Variants in ZBTB24 observed in about 807,000 individuals in gnomAD.
The protein encoded by ZBTB24 is zinc finger and BTB domain containing 24, also known as zinc finger and BTB domain-containing protein 24.
In ZBTB24, 32 loss-of-function variants were observed where a neutral mutation model predicts 53.8. The observed-to-expected ratio is 0.60, with a 90% CI of 0.45 to 0.80. The LOEUF is 0.80. ZBTB24 is among the 30% of genes least tolerant of loss of function. The pLI is 0.00. For synonymous variants in ZBTB24, 297 were observed against 306.7 expected (o/e 0.97, Z 0.33); for missense variants, 722 against 837.1 (o/e 0.86, Z 1.70).
rs752832950 is a variant in ZBTB24, at chr6:109,481,722, C to A, written c.305G>T (p.Ser102Ile). 1.2e-6 allele frequency: 2 copies of A among 1,614,240 alleles called. No individual in the cohort carries two copies. The highest frequency in any genetic ancestry group is 1.7e-6 in the Non-Finnish European group (2 of 1,180,050). ...EFIYTGYLHA[S>I]EKSTEQILAT... ...CAGGATTTGTTCTGTACTTTTCTCA[C>A]TGGCATGGAGATAACCTGTGTAGAT... Residue 102 changes from serine to isoleucine, a missense_variant, in exon 2 of 7, where the codon AGT (serine) becomes ATT (isoleucine). Ser to Ile is a moderately radical substitution (Grantham distance 142). Transcript: ENST00000230122.
In ZBTB24 at chr6:109,481,241, G is replaced by C. The variant is rs1346312344; in HGVS notation, c.786C>G (p.Val262=). ...CAACAAGTTTGTAATCTTTAAGTTT[G>C]ACGGATCTCCAAATCCTCCGCTTGC... ...RYSKRRIWRS[V]KLKDYKLVGD... The change falls in exon 2 of 7, where the codon GTC becomes GTG. Residue 262 remains valine, a synonymous_variant. Coordinates refer to ENST00000230122, the MANE Select transcript of ZBTB24 (RefSeq NM_014797.3). 1 of 1,614,188 alleles carries C rather than the reference G, an allele frequency of 6.2e-7. No homozygotes were observed. The highest frequency in any genetic ancestry group is 8.5e-7 in the Non-Finnish European group (1 of 1,180,040).
At chr6:109,477,050 A>G (rs971739795) in intron 2 of ZBTB24, 120 bp from the exon 3 acceptor site, 29 of 1,374,788 alleles carry the variant, frequency 2.1e-5, no homozygotes, top group Middle Eastern at 1.8e-4. Flanking sequence ...AAGGCCAACA[A>G]TGAACACAAG....
At chr6:109,466,677 C>T in intron 6 of ZBTB24, 103 bp from the exon 7 acceptor site, 1 of 1,457,688 alleles carries the variant, frequency 6.9e-7, no homozygotes, top group African/African-American at 1.4e-5. Context: ...ATTAACTAGA[C>T]TGCAAGTCAT....
At chr6:109,478,911 G>C (rs949243407) in intron 2 of ZBTB24, among the ~76,000 whole-genome samples, 3 of 151,714 alleles carry the variant, frequency 2.0e-5, no homozygotes, top group African/African-American at 7.3e-5. Flanking sequence ...ATAATACATT[G>C]TGAAATAAAA....
intron 5 of ZBTB24, among the ~76,000 whole-genome samples, chr6:109,469,452 C>T (rs1211159278): frequency 6.6e-6 from 1 of 152,208 alleles, no homozygotes; most frequent in Non-Finnish European, 1.5e-5. Flanking sequence ...CAACATCCTG[C>T]AGTGGAAGCT....
At chr6:109,479,076 G>C (rs762635980) in intron 2 of ZBTB24, among the ~76,000 whole-genome samples, 5 of 152,108 alleles carry the variant, frequency 3.3e-5, no homozygotes, top group Non-Finnish European at 7.4e-5. Flanking sequence ...AGAAAATAAA[G>C]TTAGAGAGAA....
chr6:109,464,004 G>T lies in ZBTB24; in HGVS notation c.*1847C>A, dbSNP rs944982195. On this transcript the variant is annotated 3_prime_UTR_variant, in exon 7 of 7. Coordinates refer to ENST00000230122, the MANE Select transcript of ZBTB24 (RefSeq NM_014797.3). ...ATAATCACCTAGCTATCCAGAGTGA[G>T]TAAACACTCACTTACTTAAATATTT... 1 of 152,160 alleles carries T rather than the reference G, an allele frequency of 6.6e-6. No homozygotes were observed. Among genetic ancestry groups the T allele is most frequent in the African/African-American group, 2.4e-5 (1 of 41,450 alleles). 9.4% of individuals were successfully genotyped at this position (152,160 alleles called of 1,614,324 possible).
At chr6:109,472,682 C>T (rs1216337910) in intron 5 of ZBTB24, among the ~76,000 whole-genome samples, 1 of 152,174 alleles carries the variant, frequency 6.6e-6, no homozygotes, top group Non-Finnish European at 1.5e-5. Flanking sequence ...ATCTCTCCCC[C>T]GAATTCTCCA....
At chr6:109,480,814 G>T in intron 2 of ZBTB24, 2 of 502,898 alleles carry the variant, frequency 4.0e-6, no homozygotes, top group Non-Finnish European at 5.1e-6. Context: ...AAGCTCCCTA[G>T]AACTTGGTTG....
rs2115366368 is a variant in ZBTB24 at position 109,481,148 on chromosome 6, C to T, written c.879G>A (p.Glu293=). The T allele has an allele frequency of 1.2e-6, 2 of 1,614,222 alleles. No individual in the cohort carries two copies. Among genetic ancestry groups the T allele is most frequent in the Non-Finnish European group, 1.7e-6 (2 of 1,180,042 alleles). ...CCTTGCCACAGTCTTTACAGCGGGC[C>T]TCAGGGCCTCCAGGGCGCTTTCTCC... ...CGRRKRPGGP[E]ARCKDCGKVF... is the part of the protein sequence containing the mutation. Residue 293 remains glutamate (E), a synonymous_variant, in exon 2 of 7, where the codon GAG becomes GAA. Coordinates refer to ENST00000230122, the MANE Select transcript of ZBTB24 (RefSeq NM_014797.3).
At position 109,465,324 on chromosome 6, in the gene ZBTB24, G is replaced by C. The variant is rs1240038914; in HGVS notation, c.*527C>G. On this transcript the variant is annotated 3_prime_UTR_variant, in exon 7 of 7. Transcript: ENST00000230122. ...CGTTGAGGGTTACTTTGTCTTAGGG[G>C]ACTGGAAATTATTAAAAGGGCAAAT... is the stretch of plus-strand genomic sequence containing the variant. 3.1e-6 allele frequency: 1 copy of C among 318,708 alleles called. No individual in the cohort carries two copies. Among genetic ancestry groups the C allele is most frequent in the Non-Finnish European group, 5.8e-6 (1 of 172,026 alleles). The allele number at this position is 318,708 out of a possible 1,614,324, so 19.7% of individuals were successfully genotyped here. A position where few individuals can be genotyped will look rare whatever the true frequency, so the allele number is the denominator to read the frequency against.
At position 109,465,958 on chromosome 6, in the gene ZBTB24, T is replaced by C. The variant is rs376297475; in HGVS notation, c.1987A>G (p.Ser663Gly). 3.1e-6 allele frequency: 5 copies of C among 1,614,108 alleles called. No homozygotes were observed. The highest frequency in any genetic ancestry group is 1.3e-5 in the African/African-American group (1 of 74,936). The stretch of plus-strand genomic sequence containing the variant: ...AGGTGCTGAGCTGGATCTGAAGTAC[T>C]TGTAGCTAAATGGAGCTCCTCTGTT... Reference protein sequence around the residue: ...EQTEELHLATSTSDPAQHLQL... With the variant: ...EQTEELHLATGTSDPAQHLQL... The change falls in exon 7 of 7, where the codon AGT becomes GGT. Residue 663 changes from serine (S) to glycine (G), a missense_variant. Physicochemically the swap from Ser to Gly is moderately conservative, Grantham distance 56 (BLOSUM62 0). Coordinates refer to ENST00000230122, the MANE Select transcript of ZBTB24 (RefSeq NM_014797.3).
chr6:109,465,589 CGA>C lies in ZBTB24; in HGVS notation c.*260_*261del. The C allele has an allele frequency of 6.8e-7, 1 of 1,468,482 alleles. No individual in the cohort carries two copies. Among genetic ancestry groups the C allele is most frequent in the Non-Finnish European group, 9.2e-7 (1 of 1,091,540 alleles). The allele number at this position is 1,468,482 out of a possible 1,614,324, so 91.0% of individuals were successfully genotyped here. A position where few individuals can be genotyped will look rare whatever the true frequency, so the allele number is the denominator to read the frequency against. On this transcript the variant is annotated 3_prime_UTR_variant, in exon 7 of 7. Coordinates refer to ENST00000230122, the MANE Select transcript of ZBTB24 (RefSeq NM_014797.3). The stretch of plus-strand genomic sequence containing the variant: ...TCAATGCCCCCAAAGAAAAACTACC[CGA>C]GTCTTTATGAGACATTGCAGATTAA...
At position 109,466,174 on chromosome 6, in the gene ZBTB24, T is replaced by C. The variant is rs750694717; in HGVS notation, c.1771A>G (p.Asn591Asp). 1.9e-6 allele frequency: 3 copies of C among 1,614,122 alleles called. No individual in the cohort carries two copies. The highest frequency in any genetic ancestry group is 2.5e-6 in the Non-Finnish European group (3 of 1,180,046). The part of the protein sequence containing the change: ...SQNMTADQAA[N>D]LTLLTQQPEQ... ...GGCTGCTGCGTGAGCAGGGTAAGAT[T>C]AGCAGCCTGGTCTGCAGTCATGTTT... is the stretch of plus-strand genomic sequence containing the variant. The change falls in exon 7 of 7, where the codon AAT (asparagine) becomes GAT (aspartate). Residue 591 changes from asparagine (N) to aspartate (D), a missense_variant. Transcript: ENST00000230122.
intron 2 of ZBTB24, 106 bp from the exon 3 acceptor site, chr6:109,477,036 C>A: frequency 6.9e-7 from 1 of 1,451,702 alleles, no homozygotes; most frequent in African/African-American, 1.4e-5. Context: ...AGGCACACAT[C>A]CAAAAGGCCA....
intron 5 of ZBTB24, among the ~76,000 whole-genome samples, chr6:109,474,458 C>A (rs1179262106): frequency 6.6e-6 from 1 of 152,168 alleles, no homozygotes; most frequent in African/African-American, 2.4e-5. Context: ...TTGGGCCAGG[C>A]ACAGTGGCTC....
chr6:109,467,808 A>G, intron 5 of ZBTB24, 74 bp from the exon 6 acceptor site: 2 of 1,515,514 alleles, frequency 1.3e-6, no homozygotes, highest in Non-Finnish European at 1.8e-6. Context: ...AGAATAAGAC[A>G]AAATTAAAAA....
chr6:109,466,302 C>T lies in ZBTB24; in HGVS notation c.1643G>A (p.Gly548Glu). 2 of 1,614,160 alleles carry T rather than the reference C, an allele frequency of 1.2e-6. No homozygotes were observed. The highest frequency in any genetic ancestry group is 1.7e-6 in the Non-Finnish European group (2 of 1,180,036). The stretch of plus-strand genomic sequence containing the variant: ...TACGAGAAGCTGAATTTCCTGCTCT[C>T]CCGAGGTAGAGAGTTGATATGGCTG... ...QLQPYQLSTS[G>E]EQEIQLLVTD... The change falls in exon 7 of 7, where the codon GGA (glycine) becomes GAA (glutamate). Residue 548 changes from glycine to glutamate, a missense_variant. Transcript: ENST00000230122.
At chr6:109,477,414 T>C (rs1439164063) in intron 2 of ZBTB24, among the ~76,000 whole-genome samples, 1 of 152,112 alleles carries the variant, frequency 6.6e-6, no homozygotes, top group Non-Finnish European at 1.5e-5. Context: ...GCCTCCCAAA[T>C]TGCTGGGAGT....
Sources: gnomAD v4.1 joint callset for allele counts (sites outside exome capture counted in the v4.1 genomes callset) on GRCh38, gnomAD v4.1.1 for gene constraint, MANE v1.5 for transcripts, NCBI Gene and HGNC (gene_info 2026-07-23, HGNC 2026-07-21) for gene names.